Variants in TNFAIP8L3 observed in about 807,000 individuals in gnomAD.
The protein encoded by TNFAIP8L3 is tumor necrosis factor alpha-induced protein 8-like protein 3.
TNFAIP8L3 carries 7 observed loss-of-function variants against 11.8 expected under a neutral mutation model. The observed-to-expected ratio is 0.59, with a 90% CI of 0.34 to 1.11. TNFAIP8L3 has a LOEUF of 1.11. TNFAIP8L3 is among the 50% of genes most tolerant of loss of function. TNFAIP8L3 has a pLI of 0.03. For missense variants in TNFAIP8L3, 219 were observed against 258.6 expected, an observed-to-expected ratio of 0.85 and a Z score of 1.05; for synonymous variants, 98 against 103.8, an observed-to-expected ratio of 0.94 and a Z score of 0.34.
At chr15:51,091,676 GCA>G (rs3077947) in intron 1 of TNFAIP8L3, among the ~76,000 whole-genome samples, 22,954 of 143,634 alleles carry the variant, frequency 0.16, 1,772 homozygotes, top group Middle Eastern at 0.24. Flanking sequence ...ACCTCCTCAA[GCA>G]CACACACACA....
At chr15:51,088,935 T>C (rs1203838765) in intron 1 of TNFAIP8L3, among the ~76,000 whole-genome samples, 1 of 152,134 alleles carries the variant, frequency 6.6e-6, no homozygotes, top group African/African-American at 2.4e-5. Flanking sequence ...CTTTAATGAC[T>C]GCTTATTTTG....
intron 1 of TNFAIP8L3, among the ~76,000 whole-genome samples, chr15:51,069,254 C>T (rs2065292178): frequency 6.6e-6 from 1 of 152,166 alleles, no homozygotes; most frequent in Admixed American, 6.5e-5. Context: ...GCTGCTCAGT[C>T]CCAGAGATTC....
chr15:51,058,642 T>C (rs1316011051), intron 1 of TNFAIP8L3, among the ~76,000 whole-genome samples, 199 bp from the exon 2 acceptor site: 1 of 152,194 alleles, frequency 6.6e-6, no homozygotes, highest in Non-Finnish European at 1.5e-5. Context: ...TTGTTTACCC[T>C]TTTTAATCCT....
chr15:51,058,653 C>G (rs1239043687), intron 1 of TNFAIP8L3, among the ~76,000 whole-genome samples: 1 of 152,184 alleles, frequency 6.6e-6, no homozygotes, highest in African/African-American at 2.4e-5. Flanking sequence ...TTTTAATCCT[C>G]TAAACTGTGC....
At chr15:51,071,598 T>C (rs1422171706) in intron 1 of TNFAIP8L3, among the ~76,000 whole-genome samples, 1 of 152,258 alleles carries the variant, frequency 6.6e-6, no homozygotes, top group Non-Finnish European at 1.5e-5. Context: ...CTTATATAAA[T>C]ATATATCTTC....
At chr15:51,098,119 G>T (rs370563398), upstream of TNFAIP8L3, among the ~76,000 whole-genome samples, 1 of 152,088 alleles carries the variant, frequency 6.6e-6, no homozygotes, top group African/African-American at 2.4e-5. Context: ...TGGGTAAAGC[G>T]TATCTATTTG....
chr15:51,057,991 CA>C lies in TNFAIP8L3; in HGVS notation c.504del (p.Phe168LeufsTer32), dbSNP rs1259619870. The C allele has an allele frequency of 6.2e-7, 1 of 1,614,220 alleles. No homozygotes were observed. Among genetic ancestry groups the C allele is most frequent in the Non-Finnish European group, 8.5e-7 (1 of 1,180,028 alleles). ...HGRINHVFNHFADVEFLSTLY... is the reference protein window; with the variant it reads ...HGRINHVFNHXADVEFLSTLY... ...AGGGTGGAGAGGAACTCCACATCGG[CA>C]AAGTGGTTAAAGACGTGGTTGATGC... On this transcript the variant is annotated frameshift_variant, in exon 2 of 2. Coordinates refer to ENST00000637513, the MANE Select transcript of TNFAIP8L3 (RefSeq NM_001311175.2). LOFTEE classifies it high-confidence loss of function.
exon 1 of TNFAIP8L3, chr15:51,105,008 G>C (rs755938025): frequency 4.3e-6 from 7 of 1,614,020 alleles, no homozygotes; most frequent in Non-Finnish European, 5.9e-6. Context: ...TGCTGACCAA[G>C]TCCCTTTCCC....
intron 1 of TNFAIP8L3, among the ~76,000 whole-genome samples, chr15:51,077,940 T>A (rs2065366334): frequency 6.6e-6 from 1 of 152,214 alleles, no homozygotes; most frequent in South Asian, 2.1e-4. Flanking sequence ...TCAATGTGTC[T>A]GCGGACCTCA....
chr15:51,087,919 T>TTATATATATATA (rs6145560), intron 1 of TNFAIP8L3, among the ~76,000 whole-genome samples: 6,005 of 101,388 alleles, frequency 0.059, 782 homozygotes, highest in Non-Finnish European at 0.088. Context: ...TAGCATACCT[T>TTATATATATATA]TATATATATA....
chr15:51,087,143 C>T (rs2065434744), intron 1 of TNFAIP8L3, among the ~76,000 whole-genome samples: 1 of 152,232 alleles, frequency 6.6e-6, no homozygotes, highest in African/African-American at 2.4e-5. Flanking sequence ...GCTGGGATTA[C>T]AGGCGTGAGC....
intron 1 of TNFAIP8L3, among the ~76,000 whole-genome samples, chr15:51,069,214 AG>A (rs2065291935): frequency 6.6e-6 from 1 of 152,178 alleles, no homozygotes; most frequent in African/African-American, 2.4e-5. Context: ...GCCTGCTAAC[AG>A]GCAGAGAGCT....
intron 1 of TNFAIP8L3, chr15:51,069,621 A>G (rs2065294933): frequency 2.0e-5 from 3 of 152,252 alleles, no homozygotes; most frequent in Non-Finnish European, 4.4e-5. Flanking sequence ...AACTCAATTA[A>G]TGATAATGTC....
At chr15:51,102,168 C>T (rs1029340739) in intron 1 of TNFAIP8L3, among the ~76,000 whole-genome samples, 23 of 151,962 alleles carry the variant, frequency 1.5e-4, no homozygotes, top group African/African-American at 5.3e-4. Context: ...AATGATGTGT[C>T]CAAGTCCTGG....
At chr15:51,086,121 G>A (rs2065425767) in intron 1 of TNFAIP8L3, among the ~76,000 whole-genome samples, 1 of 151,516 alleles carries the variant, frequency 6.6e-6, no homozygotes, top group African/African-American at 2.4e-5. Flanking sequence ...AAATGCTGGG[G>A]TGAAAAAAAG....
rs114726164 is a variant in TNFAIP8L3, at chr15:51,086,451, C to T, written c.52+8093G>A. The stretch of plus-strand genomic sequence containing the variant: ...CAGGCCTTTGTGGAGGCAGAATGCC[C>T]TCACCTAACAGAGGGAGCCTAAGGG... On this transcript the variant is annotated intron_variant, in intron 1 of 1. Transcript: ENST00000637513. Among the ~76,000 whole-genome samples, 698 of 152,326 alleles carry T rather than the reference C, an allele frequency of 4.6e-3. 5 individuals are homozygous for T. Among genetic ancestry groups the T allele is most frequent in the African/African-American group, 0.016 (652 of 41,556 alleles).
upstream of TNFAIP8L3, among the ~76,000 whole-genome samples, chr15:51,097,842 A>T (rs1035142043): frequency 7.3e-6 from 1 of 137,714 alleles, no homozygotes; most frequent in Admixed American, 7.4e-5. Flanking sequence ...ACCAGTTCTG[A>T]TATATTTCTT....
At chr15:51,096,681 C>T (rs1038179763), upstream of TNFAIP8L3, among the ~76,000 whole-genome samples, 7 of 151,898 alleles carry the variant, frequency 4.6e-5, no homozygotes, top group African/African-American at 1.5e-4. Flanking sequence ...CACCTGAGGT[C>T]GGGAGTTTGA....
At chr15:51,067,379 C>T (rs1446210804) in intron 1 of TNFAIP8L3, among the ~76,000 whole-genome samples, 2 of 152,194 alleles carry the variant, frequency 1.3e-5, no homozygotes, top group Non-Finnish European at 2.9e-5. Flanking sequence ...ATTTCCACCA[C>T]CTGCCACAGG....
Sources: allele counts gnomAD v4.1 joint callset (sites outside exome capture counted in the v4.1 genomes callset), GRCh38; gene constraint gnomAD v4.1.1; transcripts MANE v1.5; gene names NCBI Gene and HGNC (gene_info 2026-07-23, HGNC 2026-07-21).